The following VPS13B variants were observed in gnomAD, a reference collection of about 807,000 sequenced individuals.
The protein encoded by VPS13B is intermembrane lipid transfer protein VPS13B.
Under a neutral mutation model 426.4 loss-of-function variants are expected in VPS13B, and 285 were observed. That is an observed-to-expected ratio of 0.67 (90% confidence interval 0.61 to 0.74). The LOEUF is 0.74. Ranked by LOEUF, VPS13B falls within the 30% of genes least tolerant of loss-of-function variation. The pLI is 0.00. For synonymous variants in VPS13B, 1,676 were observed against 1,676.4 expected, an observed-to-expected ratio of 1.00 and a Z score of 0.01; for missense variants, 4,537 against 4,782.6, an observed-to-expected ratio of 0.95 and a Z score of 1.51.
At chr8:99,596,812 C>A (rs1182640597) in intron 33 of VPS13B, among the ~76,000 whole-genome samples, 1 of 151,912 alleles carries the variant, frequency 6.6e-6, no homozygotes, top group Non-Finnish European at 1.5e-5. Flanking sequence ...ATGTGCCCTG[C>A]TAAAAATTGT....
At chr8:99,448,503 GC>G (rs1818037910) in intron 23 of VPS13B, among the ~76,000 whole-genome samples, 1 of 151,988 alleles carries the variant, frequency 6.6e-6, no homozygotes, top group Non-Finnish European at 1.5e-5. Context: ...AATATTATAA[GC>G]CTTTGATGCA....
chr8:99,134,800 C>G, intron 9 of VPS13B, 73 bp downstream of exon 9: 1 of 1,304,364 alleles, frequency 7.7e-7, no homozygotes, highest in South Asian at 1.3e-5. Flanking sequence ...CTGTTTTTAT[C>G]AGATGTAGTG....
intron 17 of VPS13B, among the ~76,000 whole-genome samples, chr8:99,270,230 C>T (rs1818516107): frequency 7.4e-6 from 1 of 134,370 alleles, no homozygotes. Context: ...CCTCTGCCTC[C>T]CAGGCTCAGG....
intron 17 of VPS13B, among the ~76,000 whole-genome samples, chr8:99,202,770 C>G (rs1334129994): frequency 6.6e-6 from 1 of 152,184 alleles, no homozygotes; most frequent in African/African-American, 2.4e-5. Flanking sequence ...TGGCTCATGC[C>G]TGTAATCCCA....
intron 33 of VPS13B, among the ~76,000 whole-genome samples, chr8:99,640,098 A>G (rs1829292608): frequency 6.7e-6 from 1 of 149,450 alleles, no homozygotes; most frequent in Admixed American, 6.7e-5. Flanking sequence ...AAAGAAAAGA[A>G]AAGAAAAGAA....
intron 17 of VPS13B, among the ~76,000 whole-genome samples, chr8:99,263,711 C>A (rs1818166968): frequency 6.6e-6 from 1 of 152,150 alleles, no homozygotes; most frequent in South Asian, 2.1e-4. Context: ...TTGGGTTCAC[C>A]TGAATAATCT....
chr8:99,180,964 A>G (rs992125935), intron 16 of VPS13B, among the ~76,000 whole-genome samples: 1 of 152,206 alleles, frequency 6.6e-6, no homozygotes, highest in Non-Finnish European at 1.5e-5. Flanking sequence ...TGGAAATTTA[A>G]TATGACAGAT....
At chr8:99,162,390 G>T (rs1468386668) in intron 15 of VPS13B, among the ~76,000 whole-genome samples, 1 of 152,152 alleles carries the variant, frequency 6.6e-6, no homozygotes, top group Non-Finnish European at 1.5e-5. Context: ...ACTGAACCTT[G>T]GCTGTATTGG....
intron 17 of VPS13B, among the ~76,000 whole-genome samples, chr8:99,201,619 T>G (rs1257914392): frequency 6.6e-6 from 1 of 152,156 alleles, no homozygotes; most frequent in African/African-American, 2.4e-5. Flanking sequence ...TTATGTTTTA[T>G]GATGCTACAA....
intron 33 of VPS13B, among the ~76,000 whole-genome samples, chr8:99,600,767 C>T (rs982198450): frequency 2.4e-4 from 37 of 152,060 alleles, no homozygotes; most frequent in African/African-American, 8.5e-4. Flanking sequence ...TCCAGCTGTT[C>T]CAAATTGGAT....
At chr8:99,666,226 G>C (rs1288696627) in intron 35 of VPS13B, among the ~76,000 whole-genome samples, 2 of 152,060 alleles carry the variant, frequency 1.3e-5, no homozygotes, top group Non-Finnish European at 2.9e-5. Flanking sequence ...TTCTACCAGA[G>C]GTACAAGGAG....
intron 20 of VPS13B, among the ~76,000 whole-genome samples, chr8:99,385,205 C>T (rs1814048206): frequency 2.0e-5 from 3 of 152,110 alleles, no homozygotes; most frequent in Admixed American, 2.0e-4. Flanking sequence ...GATGAAGAAA[C>T]TGATGCTTAT....
chr8:99,716,665 G>A (rs1319850994), intron 36 of VPS13B, among the ~76,000 whole-genome samples: 1 of 152,104 alleles, frequency 6.6e-6, no homozygotes, highest in African/African-American at 2.4e-5. Flanking sequence ...GTTATGATGT[G>A]TGAAGTTTGG....
intron 3 of VPS13B, among the ~76,000 whole-genome samples, chr8:99,088,816 A>G (rs1417195170): frequency 6.6e-6 from 1 of 152,190 alleles, no homozygotes; most frequent in Non-Finnish European, 1.5e-5. Context: ...TTACAGCTTG[A>G]TATTTCACTG....
chr8:99,478,447 G>GTTTTTTTTTTTTTGTTTT (rs1819824979), intron 24 of VPS13B, among the ~76,000 whole-genome samples: 2 of 85,778 alleles, frequency 2.3e-5, no homozygotes, highest in Non-Finnish European at 4.2e-5. Flanking sequence ...TTTTTGTTTT[G>GTTTTTTTTTTTTTGTTTT]TTTTTTTTTT....
At chr8:99,479,288 A>G (rs986542139) in intron 24 of VPS13B, among the ~76,000 whole-genome samples, 1 of 152,196 alleles carries the variant, frequency 6.6e-6, no homozygotes, top group African/African-American at 2.4e-5. Flanking sequence ...ATGAACAGCT[A>G]TAGATTAAAT....
chr8:99,137,735 T>C (rs1017652011), intron 12 of VPS13B, among the ~76,000 whole-genome samples: 1 of 152,174 alleles, frequency 6.6e-6, no homozygotes, highest in African/African-American at 2.4e-5. Flanking sequence ...TTAATTTCAT[T>C]CTTTTCCATG....
At chr8:99,441,250 AT>A (rs1250297146) in intron 22 of VPS13B, among the ~76,000 whole-genome samples, 2 of 152,078 alleles carry the variant, frequency 1.3e-5, no homozygotes, top group Non-Finnish European at 2.9e-5. Context: ...AGGTTTGTTT[AT>A]TTATAGGTTG....
chr8:99,045,876 G>C (rs890285867), intron 3 of VPS13B, among the ~76,000 whole-genome samples: 1 of 152,052 alleles, frequency 6.6e-6, no homozygotes, highest in Non-Finnish European at 1.5e-5. Context: ...GCTTATTTCT[G>C]GGTTCTCTAT....
Sources: allele counts gnomAD v4.1 joint callset (sites outside exome capture counted in the v4.1 genomes callset), GRCh38; gene constraint gnomAD v4.1.1; transcripts MANE v1.5; gene names NCBI Gene and HGNC (gene_info 2026-07-23, HGNC 2026-07-21).